Variants in SCN2A observed in about 807,000 individuals in gnomAD.
The protein encoded by SCN2A is sodium voltage-gated channel alpha subunit 2, also known as sodium channel protein type 2 subunit alpha.
SCN2A carries 20 observed loss-of-function variants against 188.7 expected under a neutral mutation model. The ratio of observed to expected loss-of-function variants is 0.11; its 90% CI spans 0.07 to 0.15. The LOEUF (loss-of-function observed/expected upper bound fraction) is 0.15, where lower values mean the gene tolerates loss of function less well. SCN2A is among the 10% of genes least tolerant of loss of function. The pLI, the probability that SCN2A is intolerant of heterozygous loss-of-function variation, is 1.00. For missense variants in SCN2A, 1,278 were observed against 2,445.0 expected (o/e 0.52, Z 10.07); for synonymous variants, 804 against 833.1 (o/e 0.97, Z 0.60).
intron 1 of SCN2A, chr2:165,293,916 G>A (rs1696348537): frequency 1.0e-6 from 1 of 966,646 alleles, no homozygotes; most frequent in African/African-American, 2.0e-5. Context: ...TTACAATAAT[G>A]CCATTTTGTA....
rs1574591292 is a variant in SCN2A, at chr2:165,323,166, G to A, written c.1682G>A (p.Ser561Asn). ...RFSSPHQSLL[S>N]IRGSLFSPRR... Reference sequence around the variant, plus strand: ...TCTTGTTATTCATAGTCCTTACTGAGCATCCGTGGCTCCCTTTTCTCTCCA... The same window carrying A: ...TCTTGTTATTCATAGTCCTTACTGAACATCCGTGGCTCCCTTTTCTCTCCA... Residue 561 changes from serine to asparagine, a missense_variant, in exon 12 of 27, where the codon AGC becomes AAC. This residue lies in a region of SCN2A where 315 missense variants were observed against 386.6 expected (regional missense o/e 0.81). Transcript: ENST00000375437. The A allele has an allele frequency of 6.2e-7, 1 of 1,614,006 alleles. No homozygotes were observed. The highest frequency in any genetic ancestry group is 8.5e-7 in the Non-Finnish European group (1 of 1,179,974).
At chr2:165,272,463 A>G (rs1172284296) in intron 1 of SCN2A, 2 of 152,090 alleles carry the variant, frequency 1.3e-5, no homozygotes. Context: ...AAGACAAAAA[A>G]TCAATGATAT....
At chr2:165,365,441 T>C (rs1700677782) in intron 18 of SCN2A, among the ~76,000 whole-genome samples, 178 bp downstream of exon 18, 1 of 151,748 alleles carries the variant, frequency 6.6e-6, no homozygotes, top group South Asian at 2.1e-4. Flanking sequence ...ATTTATTTGT[T>C]TTTTTTTGCA....
At position 165,345,369 on chromosome 2, in the gene SCN2A, A is replaced by T. The variant is rs184798188; in HGVS notation, c.2919+458A>T. On this transcript the variant is annotated intron_variant, in intron 16 of 26. Transcript: ENST00000375437. ...AGCAAGTAACATTGTCTCTAAAAACATTAATTGTCATTTCTGCATAAAATT... is the reference window on the plus strand; with the variant it reads ...AGCAAGTAACATTGTCTCTAAAAACTTTAATTGTCATTTCTGCATAAAATT... Among the ~76,000 whole-genome samples, 562 of 152,310 alleles carry T rather than the reference A, an allele frequency of 3.7e-3. 4 individuals are homozygous for T. Among genetic ancestry groups the T allele is most frequent in the Middle Eastern group, 0.017 (5 of 294 alleles).
intron 1 of SCN2A, among the ~76,000 whole-genome samples, chr2:165,291,888 A>G (rs1038747547): frequency 5.3e-5 from 8 of 152,030 alleles, no homozygotes; most frequent in Non-Finnish European, 1.2e-4. Flanking sequence ...ATTACCCTGG[A>G]CAGAGTAATT....
At chr2:165,357,853 C>T (rs891313304) in intron 17 of SCN2A, among the ~76,000 whole-genome samples, 11 of 152,076 alleles carry the variant, frequency 7.2e-5, no homozygotes, top group African/African-American at 2.2e-4. Flanking sequence ...ACCACTTTTA[C>T]CCAGGTTACC....
At chr2:165,275,451 C>T (rs1487870776) in intron 1 of SCN2A, among the ~76,000 whole-genome samples, 1 of 152,172 alleles carries the variant, frequency 6.6e-6, no homozygotes, top group Non-Finnish European at 1.5e-5. Context: ...TTATCTGTAT[C>T]CCTCCACTGG....
intron 12 of SCN2A, among the ~76,000 whole-genome samples, chr2:165,325,694 C>T (rs1698319508): frequency 6.6e-6 from 1 of 151,908 alleles, no homozygotes; most frequent in Admixed American, 6.6e-5. Context: ...TAAGAGGCAC[C>T]CTTTGGATTA....
chr2:165,311,321 A>G (rs559770407), intron 7 of SCN2A, among the ~76,000 whole-genome samples: 31 of 152,218 alleles, frequency 2.0e-4, no homozygotes, highest in Non-Finnish European at 2.9e-4. Context: ...ATGTGTGTGC[A>G]TGTTTTCTGA....
Position 165,327,193 on chromosome 2 carries a change from C to G in SCN2A, c.2149+209C>G, listed in dbSNP as rs941967385. On this transcript the variant is annotated intron_variant, in intron 13 of 26. Coordinates refer to ENST00000375437, the MANE Select transcript of SCN2A (RefSeq NM_001040142.2). ...ATATTTAGCCTCCAGAAAGCTGCTGCAAATGTAAGGTATATTTTGAACACC... is the reference window on the plus strand; with the variant it reads ...ATATTTAGCCTCCAGAAAGCTGCTGGAAATGTAAGGTATATTTTGAACACC... 1.7e-5 allele frequency: 9 copies of G among 544,974 alleles called. No individual in the cohort carries two copies. In the African/African-American group the frequency reaches 1.7e-4, roughly 10 times the overall value. 33.8% of individuals were successfully genotyped at this position (544,974 alleles called of 1,614,324 possible).
intron 1 of SCN2A, among the ~76,000 whole-genome samples, chr2:165,278,591 G>A (rs1025255811): frequency 6.6e-6 from 1 of 152,152 alleles, no homozygotes; most frequent in African/African-American, 2.4e-5. Flanking sequence ...TGAGATTTGG[G>A]TGGGGACACA....
At chr2:165,384,436 A>G (rs1310556308) in intron 25 of SCN2A, among the ~76,000 whole-genome samples, 6 of 152,102 alleles carry the variant, frequency 3.9e-5, no homozygotes, top group African/African-American at 1.4e-4. Flanking sequence ...TAAATGGGAG[A>G]ACAGAACACA....
intron 14 of SCN2A, among the ~76,000 whole-genome samples, chr2:165,338,261 C>CTTTTTT (rs71028478): frequency 7.2e-5 from 10 of 139,272 alleles, no homozygotes; most frequent in South Asian, 4.5e-4. Context: ...AAGATTTGAA[C>CTTTTTT]TTTTTTTTTT....
chr2:165,382,285 A>G (rs1233898762), intron 25 of SCN2A, among the ~76,000 whole-genome samples: 1 of 152,114 alleles, frequency 6.6e-6, no homozygotes, highest in Non-Finnish European at 1.5e-5. Flanking sequence ...ATTAAGCAAT[A>G]CAAATGCAAT....
At chr2:165,260,005 T>C (rs1694506264) in intron 1 of SCN2A, among the ~76,000 whole-genome samples, 1 of 145,866 alleles carries the variant, frequency 6.9e-6, no homozygotes, top group African/African-American at 2.6e-5. Flanking sequence ...GTGGCATGAT[T>C]TCGGCTCAGC....
intron 19 of SCN2A, among the ~76,000 whole-genome samples, chr2:165,369,111 T>C (rs562214970): frequency 6.6e-6 from 1 of 152,132 alleles, no homozygotes; most frequent in South Asian, 2.1e-4. Flanking sequence ...CTTTTAGTAA[T>C]AGAGACTGGG....
chr2:165,333,896 G>T (rs907033045), intron 14 of SCN2A, among the ~76,000 whole-genome samples: 2 of 150,438 alleles, frequency 1.3e-5, no homozygotes, highest in Admixed American at 1.3e-4. Flanking sequence ...AAAAAAAGAG[G>T]AAAGACACTA....
rs1230333742 is a variant in SCN2A at position 165,312,076 on chromosome 2, G to A, written c.1022G>A (p.Ser341Asn). 2 of 1,612,300 alleles carry A rather than the reference G, an allele frequency of 1.2e-6. No homozygotes were observed. Among genetic ancestry groups the A allele is most frequent in the South Asian group, 1.1e-5 (1 of 91,038 alleles). ...GQNDALLCGN[S>N]SDAGQCPEGY... ...AATGATGCTCTGCTTTGTGGCAACAGCTCAGATGCAGGGTAAGTGATGCTT... is the reference window on the plus strand; with the variant it reads ...AATGATGCTCTGCTTTGTGGCAACAACTCAGATGCAGGGTAAGTGATGCTT... Residue 341 changes from serine to asparagine, a missense_variant, in exon 8 of 27, where the codon AGC becomes AAC. This residue lies in a region of SCN2A where 42 missense variants were observed against 137.3 expected (regional missense o/e 0.31). Coordinates refer to ENST00000375437, the MANE Select transcript of SCN2A (RefSeq NM_001040142.2).
intron 1 of SCN2A, among the ~76,000 whole-genome samples, chr2:165,256,773 CA>C (rs1694344545): frequency 6.6e-6 from 1 of 152,058 alleles, no homozygotes; most frequent in Admixed American, 6.5e-5. Flanking sequence ...TTATTTTGAA[CA>C]ATGGTATCTT....
Sources: allele counts gnomAD v4.1 joint callset (sites outside exome capture counted in the v4.1 genomes callset), GRCh38; gene constraint gnomAD v4.1.1; regional missense constraint gnomAD v4.1.1; transcripts MANE v1.5; gene names NCBI Gene and HGNC (gene_info 2026-07-23, HGNC 2026-07-21).